The following UGT3A2 variants were observed in gnomAD, a reference collection of about 807,000 sequenced individuals.
UGT3A2 encodes UDP glycosyltransferase family 3 member A2.
In UGT3A2, 32 loss-of-function variants were observed where a neutral mutation model predicts 39.8. The observed-to-expected ratio is 0.80, with a 90% CI of 0.61 to 1.08. UGT3A2 has a LOEUF of 1.08. Among genes scored for constraint, UGT3A2 ranks in the 50% least tolerant of loss-of-function variants. The pLI is 0.00. For synonymous variants in UGT3A2, 241 were observed against 230.7 expected (o/e 1.04, Z -0.40); for missense variants, 611 against 637.1 (o/e 0.96, Z 0.44).
intron 4 of UGT3A2, among the ~76,000 whole-genome samples, chr5:36,042,225 G>A (rs542706330): frequency 9.0e-4 from 137 of 151,998 alleles, no homozygotes; most frequent in Non-Finnish European, 1.1e-3. Flanking sequence ...AAAACTTAGC[G>A]GACTGGGAGA....
intron 2 of UGT3A2, 123 bp downstream of exon 2, chr5:36,064,126 C>A (rs1396251394): frequency 1.1e-6 from 1 of 904,610 alleles, no homozygotes; most frequent in Non-Finnish European, 1.7e-6. Context: ...CACACACACA[C>A]AAGCTTTTCA....
rs190187256 is a variant in UGT3A2, at chr5:36,066,263, G to T, written c.94+433C>A. On this transcript the variant is annotated intron_variant, in intron 1 of 6. Coordinates refer to ENST00000282507, the MANE Select transcript of UGT3A2 (RefSeq NM_174914.4). Reference sequence around the variant, plus strand: ...GCTGCCCTCAGGAGGGCCTTTCCCTGGTCTCCAAGAGCCTGAAAACGCTCA... The same window carrying T: ...GCTGCCCTCAGGAGGGCCTTTCCCTTGTCTCCAAGAGCCTGAAAACGCTCA... 1.1e-4 allele frequency among the ~76,000 whole-genome samples: 17 copies of T among 152,200 alleles called. No homozygotes were observed. The East Asian group carries it at 1.4e-3, about 12-fold the overall frequency.
chr5:36,039,380 C>T (rs1580996194), intron 5 of UGT3A2, 97 bp downstream of exon 5: 2 of 1,220,354 alleles, frequency 1.6e-6, no homozygotes, highest in East Asian at 4.7e-5. Flanking sequence ...CTGTACCATT[C>T]ACCAGTGGGT....
intron 4 of UGT3A2, among the ~76,000 whole-genome samples, chr5:36,048,024 TA>T (rs1742221574): frequency 6.6e-6 from 1 of 152,140 alleles, no homozygotes; most frequent in Admixed American, 6.5e-5. Context: ...CAGTGCAAGT[TA>T]AAAGAGTAGA....
chr5:36,058,355 G>A (rs557807496), intron 2 of UGT3A2, among the ~76,000 whole-genome samples: 1 of 152,158 alleles, frequency 6.6e-6, no homozygotes, highest in South Asian at 2.1e-4. Context: ...GGTTATCAGG[G>A]GCTGAAGGTG....
At position 36,066,844 on chromosome 5, in the gene UGT3A2, G is replaced by T. The variant is rs1742898468; in HGVS notation, c.-55C>A. On this transcript the variant is annotated 5_prime_UTR_variant, in exon 1 of 7. Coordinates refer to ENST00000282507, the MANE Select transcript of UGT3A2 (RefSeq NM_174914.4). Reference sequence around the variant, plus strand: ...GCCTGGGCTGCGCGCCCTGCGCCCGGCTAAGGGACCCTGTGCACCTCAGTG... The same window carrying T: ...GCCTGGGCTGCGCGCCCTGCGCCCGTCTAAGGGACCCTGTGCACCTCAGTG... 1 of 1,607,424 alleles carries T rather than the reference G, an allele frequency of 6.2e-7. No homozygotes were observed. Among genetic ancestry groups the T allele is most frequent in the Admixed American group, 1.7e-5 (1 of 59,978 alleles).
chr5:36,061,484 T>C (rs1191961628), intron 2 of UGT3A2, among the ~76,000 whole-genome samples: 1 of 149,916 alleles, frequency 6.7e-6, no homozygotes, highest in Non-Finnish European at 1.5e-5. Context: ...AGTGAGAATA[T>C]GCGGTGTTTG....
At chr5:36,056,969 CAG>C (rs1465853895) in intron 2 of UGT3A2, among the ~76,000 whole-genome samples, 1 of 152,210 alleles carries the variant, frequency 6.6e-6, no homozygotes, top group East Asian at 1.9e-4. Flanking sequence ...TCATCACTAG[CAG>C]AGTTCTTAGA....
chr5:36,043,427 A>G (rs1742072664), intron 4 of UGT3A2, among the ~76,000 whole-genome samples: 1 of 152,080 alleles, frequency 6.6e-6, no homozygotes, highest in East Asian at 1.9e-4. Flanking sequence ...ACATCAAAAG[A>G]GTGAGACTTC....
chr5:36,060,535 C>A (rs1450937382), intron 2 of UGT3A2, among the ~76,000 whole-genome samples: 2 of 152,164 alleles, frequency 1.3e-5, no homozygotes, highest in African/African-American at 2.4e-5. Flanking sequence ...TCATTCTACC[C>A]AATAAAAAGG....
At chr5:36,047,592 T>G (rs971052209) in intron 4 of UGT3A2, among the ~76,000 whole-genome samples, 19 of 152,332 alleles carry the variant, frequency 1.2e-4, no homozygotes, top group African/African-American at 3.8e-4. Context: ...TTGTCATCAT[T>G]TTTATACTGA....
chr5:36,047,321 C>A (rs982344854), intron 4 of UGT3A2, among the ~76,000 whole-genome samples: 1 of 152,234 alleles, frequency 6.6e-6, no homozygotes, highest in Admixed American at 6.5e-5. Flanking sequence ...GCATCCTCAA[C>A]CTTGGCAAAT....
chr5:36,064,432 AG>A, intron 1 of UGT3A2, 82 bp from the exon 2 acceptor site: 3 of 1,223,788 alleles, frequency 2.5e-6, no homozygotes, highest in South Asian at 2.7e-5. Context: ...AGGAGAGGAA[AG>A]GTAAGGAAAC....
In UGT3A2 at chr5:36,064,353, A is replaced by G. The variant is rs753608606; in HGVS notation, c.95-3T>C. The G allele has an allele frequency of 4.3e-6, 7 of 1,612,936 alleles. No homozygotes were observed. Among genetic ancestry groups the G allele is most frequent in the Non-Finnish European group, 5.9e-6 (7 of 1,178,894 alleles). On this transcript the variant is annotated splice_region_variant and splice_polypyrimidine_tract_variant and intron_variant, in intron 1 of 6. Transcript: ENST00000282507. Reference sequence around the variant, plus strand: ...CATCAGTAGATAATGGCTTCCACCTAGGAACAATGCACAACTTCAGTTCTG... The same window carrying G: ...CATCAGTAGATAATGGCTTCCACCTGGGAACAATGCACAACTTCAGTTCTG...
intron 5 of UGT3A2, among the ~76,000 whole-genome samples, chr5:36,038,936 T>C (rs1349004894): frequency 2.0e-5 from 3 of 152,194 alleles, no homozygotes; most frequent in Admixed American, 1.3e-4. Context: ...TTGCTAAGCT[T>C]GGCACACAGG....
rs147668007 is a variant in UGT3A2 at position 36,040,197 on chromosome 5, G to A, written c.844-489C>T. 1.6e-3 allele frequency among the ~76,000 whole-genome samples: 236 copies of A among 152,134 alleles called. 3 individuals carry two copies. Among genetic ancestry groups the A allele is most frequent in the African/African-American group, 5.3e-3 (220 of 41,482 alleles). ...TCCTCTAATGTTTTATGATAGTCTC[G>A]GTCACTGATCTTTTTGTACACGCTT... On this transcript the variant is annotated intron_variant, in intron 4 of 6. Coordinates refer to ENST00000282507, the MANE Select transcript of UGT3A2 (RefSeq NM_174914.4).
chr5:36,045,739 T>C (rs1275780510), intron 4 of UGT3A2, among the ~76,000 whole-genome samples: 2 of 152,180 alleles, frequency 1.3e-5, no homozygotes, highest in Admixed American at 1.3e-4. Context: ...CTTTTTCTTG[T>C]GTAATGCAGG....
intron 2 of UGT3A2, among the ~76,000 whole-genome samples, chr5:36,053,399 C>G (rs1742409531): frequency 6.6e-6 from 1 of 152,266 alleles, no homozygotes; most frequent in Non-Finnish European, 1.5e-5. Flanking sequence ...ACTTTAAAGA[C>G]AACATATTCC....
intron 4 of UGT3A2, among the ~76,000 whole-genome samples, chr5:36,044,970 T>G (rs116594429): frequency 0.014 from 2,161 of 152,194 alleles, 29 homozygotes; most frequent in African/African-American, 0.049. Flanking sequence ...CTTCACAGAA[T>G]GAGGAAAAAT....
Sources: gnomAD v4.1 joint callset for allele counts (sites outside exome capture counted in the v4.1 genomes callset) on GRCh38, gnomAD v4.1.1 for gene constraint, MANE v1.5 for transcripts, NCBI Gene and HGNC (gene_info 2026-07-23, HGNC 2026-07-21) for gene names.